CHST7: variants seen among roughly 807,000 people sequenced by gnomAD.
CHST7 encodes the protein N-acetylglucosamine 6-O-sulfotransferase 4.
In CHST7, 5 loss-of-function variants were observed where a neutral mutation model predicts 9.0. That is an observed-to-expected ratio of 0.56 (90% confidence interval 0.29 to 1.17). CHST7 has a LOEUF of 1.17. CHST7 is among the 50% of genes most tolerant of loss of function. The pLI is 0.08. For missense variants in CHST7, 377 were observed against 485.1 expected (o/e 0.78, Z 2.09); for synonymous variants, 244 against 237.1 (o/e 1.03, Z -0.27).
At chrX:46,592,439 C>T (rs1339500405) in intron 1 of CHST7, among the ~76,000 whole-genome samples, 1 of 112,299 alleles carries the variant, frequency 8.9e-6, no homozygotes, top group Non-Finnish European at 1.9e-5. Flanking sequence ...GATGCAATCT[C>T]AGCTCACCCG....
At chrX:46,577,736 C>T (rs1378834382) in intron 1 of CHST7, among the ~76,000 whole-genome samples, 1 of 111,800 alleles carries the variant, frequency 8.9e-6, no homozygotes, top group Non-Finnish European at 1.9e-5. Context: ...TCACCTGGCC[C>T]CTGCCTTGGC....
chrX:46,594,850 CA>C (rs1942586803), intron 1 of CHST7, among the ~76,000 whole-genome samples: 1 of 111,803 alleles, frequency 8.9e-6, no homozygotes, highest in African/African-American at 3.2e-5. Flanking sequence ...AGTACTTTTT[CA>C]GTCTCTTTTT....
At chrX:46,585,577 A>G (rs1270634745) in intron 1 of CHST7, among the ~76,000 whole-genome samples, 2 of 111,810 alleles carry the variant, frequency 1.8e-5, no homozygotes, top group Admixed American at 9.5e-5. Flanking sequence ...GGGGTGACCC[A>G]CCACACCTGG....
chrX:46,591,774 T>C (rs191196883), intron 1 of CHST7, among the ~76,000 whole-genome samples: 2 of 111,807 alleles, frequency 1.8e-5, no homozygotes, highest in East Asian at 5.6e-4. Context: ...TAGGTATACA[T>C]GTGCCATGGT....
chrX:46,578,206 T>C (rs905181252), intron 1 of CHST7, among the ~76,000 whole-genome samples: 1 of 104,405 alleles, frequency 9.6e-6, no homozygotes, highest in Non-Finnish European at 1.9e-5. Flanking sequence ...GTTATTAAAA[T>C]ACAGAAAGGA....
At chrX:46,584,770 GT>G (rs893963903) in intron 1 of CHST7, among the ~76,000 whole-genome samples, 33 of 111,461 alleles carry the variant, frequency 3.0e-4, no homozygotes, top group Admixed American at 7.7e-4. Flanking sequence ...AGAAAGCTTT[GT>G]AAGGCATGGG....
Position 46,575,258 on chromosome X carries a change from G to A in CHST7, c.1327G>A (p.Val443Met), listed in dbSNP as rs1230076224. ...GCGCGAGCGCCTGAGCCGAGAGCAG[G>A]TGCGCCAGGTGGAGGCCGCCTGCGC... is the stretch of plus-strand genomic sequence containing the variant. ...AWRERLSREQ[V>M]RQVEAACAPA... The change falls in exon 1 of 2, where the codon GTG becomes ATG. Residue 443 changes from valine (V) to methionine (M), a missense_variant. Val to Met is a conservative substitution (Grantham distance 21, BLOSUM62 1). Around this residue, in one of 3 missense-constraint regions of CHST7, gnomAD observed 130 missense variants for 134.9 expected, o/e 0.96. Transcript: ENST00000276055. The A allele has an allele frequency of 9.0e-7, 1 of 1,106,570 alleles. No individual in the cohort carries two copies. Among genetic ancestry groups the A allele is most frequent in the South Asian group, 2.1e-5 (1 of 47,108 alleles). The allele number at this position is 1,106,570 out of a possible 1,213,427, so 91.2% of individuals were successfully genotyped here.
At chrX:46,589,883 G>C (rs971023184) in intron 1 of CHST7, among the ~76,000 whole-genome samples, 2 of 111,273 alleles carry the variant, frequency 1.8e-5, no homozygotes. Context: ...CTGAATTAGC[G>C]GTACTTCATT....
intron 1 of CHST7, among the ~76,000 whole-genome samples, chrX:46,575,881 C>A (rs191913076): frequency 1.8e-3 from 200 of 111,878 alleles, no homozygotes; most frequent in Non-Finnish European, 3.1e-3. Context: ...ATGGTGTTTA[C>A]AGGCACAGAG....
intron 1 of CHST7, among the ~76,000 whole-genome samples, chrX:46,583,845 G>A (rs1201204204): frequency 8.9e-6 from 1 of 111,851 alleles, no homozygotes; most frequent in African/African-American, 3.3e-5. Context: ...CTAACTGTGT[G>A]TTCATACCCA....
chrX:46,585,790 G>A (rs754527766), intron 1 of CHST7, among the ~76,000 whole-genome samples: 1 of 112,367 alleles, frequency 8.9e-6, no homozygotes, highest in South Asian at 3.7e-4. Context: ...CTGTTGCCCA[G>A]GCTGGAGTGC....
intron 1 of CHST7, among the ~76,000 whole-genome samples, chrX:46,595,237 T>G (rs1487634131): frequency 8.8e-6 from 1 of 113,041 alleles, no homozygotes; most frequent in Non-Finnish European, 1.9e-5. Context: ...CATCTCAGTG[T>G]TGGTATGTAT....
intron 1 of CHST7, among the ~76,000 whole-genome samples, chrX:46,588,741 A>C (rs1048404806): frequency 8.9e-6 from 1 of 111,883 alleles, no homozygotes; most frequent in Non-Finnish European, 1.9e-5. Context: ...TTTTTTTTAA[A>C]GTGAAAGCCA....
chrX:46,584,257 G>T (rs1166784340), intron 1 of CHST7, among the ~76,000 whole-genome samples: 1 of 111,005 alleles, frequency 9.0e-6, no homozygotes, highest in Non-Finnish European at 1.9e-5. Flanking sequence ...AGGTGCCTTG[G>T]CCGGGTGCGG....
Position 46,574,915 on chromosome X carries a change from T to G in CHST7, c.984T>G (p.Ser328=). 8.7e-7 allele frequency: 1 copy of G among 1,145,567 alleles called. No individual in the cohort carries two copies. The highest frequency in any genetic ancestry group is 1.8e-5 in the African/African-American group (1 of 54,863). The allele number at this position is 1,145,567 out of a possible 1,213,427, so 94.4% of individuals were successfully genotyped here. ...HGVGARPGGQ[S]RALPAAPRAD... ...TGGGTGCTCGCCCCGGGGGCCAGTC[T>G]CGCGCGCTGCCCGCCGCGCCGCGCG... Residue 328 remains serine (S), a synonymous_variant, in exon 1 of 2, where the codon TCT becomes TCG. Coordinates refer to ENST00000276055, the MANE Select transcript of CHST7 (RefSeq NM_019886.4).
intron 1 of CHST7, among the ~76,000 whole-genome samples, chrX:46,586,935 A>G (rs771271646): frequency 1.2e-4 from 13 of 110,472 alleles, no homozygotes; most frequent in South Asian, 3.9e-4. Flanking sequence ...GGGTTTCTCC[A>G]TGTTGGTCAG....
intron 1 of CHST7, among the ~76,000 whole-genome samples, chrX:46,592,616 G>T (rs1419307162): frequency 8.9e-6 from 1 of 112,050 alleles, no homozygotes; most frequent in African/African-American, 3.2e-5. Context: ...ACCCGCCTTG[G>T]CCTTCCAAAG....
Position 46,578,404 on chromosome X carries a change from G to A in CHST7, c.*31+2981G>A, listed in dbSNP as rs148128940. ...TGATCCTCCCACCTCAGCCTCCCAA[G>A]CATCTGGGCCCACAGGTGCGTACCA... On this transcript the variant is annotated intron_variant, in intron 1 of 1. Coordinates refer to ENST00000276055, the MANE Select transcript of CHST7 (RefSeq NM_019886.4). Among the ~76,000 whole-genome samples the A allele has an allele frequency of 8.2e-3, 823 of 100,768 alleles. 6 individuals carry two copies. The highest frequency in any genetic ancestry group is 0.029 in the African/African-American group (766 of 26,774). 87.5% of individuals were successfully genotyped at this position (100,768 alleles called of 115,157 possible).
At chrX:46,580,960 C>T (rs1569491320) in intron 1 of CHST7, among the ~76,000 whole-genome samples, 1 of 111,448 alleles carries the variant, frequency 9.0e-6, no homozygotes, top group South Asian at 3.8e-4. Context: ...CTGGGCCAGG[C>T]GTAGTGGCCC....
Sources: allele counts gnomAD v4.1 joint callset (sites outside exome capture counted in the v4.1 genomes callset), GRCh38; gene constraint gnomAD v4.1.1; regional missense constraint gnomAD v4.1.1; transcripts MANE v1.5; gene names NCBI Gene and HGNC (gene_info 2026-07-23, HGNC 2026-07-21).